The following SLC44A5 variants were observed in gnomAD, a reference collection of about 807,000 sequenced individuals.
SLC44A5 encodes choline transporter-like protein 5.
SLC44A5 carries 57 observed loss-of-function variants against 101.8 expected under a neutral mutation model. The observed-to-expected ratio is 0.56, with a 90% CI of 0.45 to 0.70. The LOEUF (loss-of-function observed/expected upper bound fraction) is 0.70, where lower values mean the gene tolerates loss of function less well. Ranked by LOEUF, SLC44A5 falls within the 30% of genes least tolerant of loss-of-function variation. The pLI, the probability that SLC44A5 is intolerant of heterozygous loss-of-function variation, is 0.00. For missense variants in SLC44A5, 737 were observed against 853.1 expected (o/e 0.86, Z 1.70); for synonymous variants, 281 against 290.9 (o/e 0.97, Z 0.35).
chr1:75,389,695 C>T lies in SLC44A5; in HGVS notation c.52+6888G>A, dbSNP rs1249829. 9.1e-3 allele frequency among the ~76,000 whole-genome samples: 1,382 copies of T among 152,244 alleles called. 25 individuals carry two copies. Among genetic ancestry groups the T allele is most frequent in the African/African-American group, 0.032 (1,327 of 41,546 alleles). ...AGAGGAAAGTTTATAGCACTACATA[C>T]CTATATTGAGAAGTTAGAAAAATCT... On this transcript the variant is annotated intron_variant, in intron 3 of 23. Transcript: ENST00000370859.
At chr1:75,661,508 G>A in the SLC44A5 span, among the ~76,000 whole-genome samples, 3 of 150,528 alleles carry the variant, frequency 2.0e-5, no homozygotes, top group Non-Finnish European at 3.0e-5. Context: ...ATTGACAAAT[G>A]GGATCACATC....
At chr1:75,592,063 C>T (rs1474780687) in intron 1 of SLC44A5, among the ~76,000 whole-genome samples, 1 of 151,932 alleles carries the variant, frequency 6.6e-6, no homozygotes, top group Non-Finnish European at 1.5e-5. Flanking sequence ...TAAAGGGCAT[C>T]CAAATTGGAA....
the SLC44A5 span, among the ~76,000 whole-genome samples, chr1:75,646,990 A>C: frequency 2.6e-5 from 4 of 152,228 alleles, no homozygotes; most frequent in African/African-American, 9.6e-5. Flanking sequence ...TGCATAAGTA[A>C]TGAGGAGCCC....
chr1:75,432,289 T>G (rs921885571), intron 2 of SLC44A5, among the ~76,000 whole-genome samples: 3 of 152,178 alleles, frequency 2.0e-5, no homozygotes, highest in Admixed American at 6.6e-5. Context: ...ACCAAGCTTC[T>G]TTTATCCCAC....
chr1:75,663,147 A>G, the SLC44A5 span, among the ~76,000 whole-genome samples: 2 of 152,156 alleles, frequency 1.3e-5, no homozygotes, highest in Non-Finnish European at 2.9e-5. Context: ...TCTACTGACC[A>G]GTTACTATGG....
At chr1:75,247,759 A>G (rs138596050) in intron 7 of SLC44A5, among the ~76,000 whole-genome samples, 2 of 152,150 alleles carry the variant, frequency 1.3e-5, no homozygotes, top group East Asian at 3.9e-4. Context: ...TACTGTTGTT[A>G]GATCAAGTAA....
chr1:75,480,261 T>C (rs950554084), intron 2 of SLC44A5, among the ~76,000 whole-genome samples: 1 of 152,088 alleles, frequency 6.6e-6, no homozygotes. Flanking sequence ...CTCAAAATAA[T>C]AAGAGCTATC....
At chr1:75,583,709 C>T (rs2102077596) in intron 1 of SLC44A5, among the ~76,000 whole-genome samples, 1 of 152,256 alleles carries the variant, frequency 6.6e-6, no homozygotes, top group South Asian at 2.1e-4. Context: ...AAAGGGAAAC[C>T]CCACTAATTT....
intron 5 of SLC44A5, among the ~76,000 whole-genome samples, chr1:75,292,815 T>C (rs1305292433): frequency 6.6e-6 from 1 of 152,230 alleles, no homozygotes; most frequent in African/African-American, 2.4e-5. Flanking sequence ...GGGGTTCTGG[T>C]CTACCCCTCT....
chr1:75,318,531 T>C (rs1171205376), intron 4 of SLC44A5, among the ~76,000 whole-genome samples: 1 of 152,206 alleles, frequency 6.6e-6, no homozygotes, highest in Non-Finnish European at 1.5e-5. Context: ...CTTTATTTTA[T>C]GCAAAAGCAC....
the SLC44A5 span, among the ~76,000 whole-genome samples, chr1:75,619,340 A>G: frequency 6.6e-6 from 1 of 152,144 alleles, no homozygotes; most frequent in Non-Finnish European, 1.5e-5. Flanking sequence ...TCAGTCCATC[A>G]TTGACTGAAA....
intron 4 of SLC44A5, among the ~76,000 whole-genome samples, chr1:75,338,140 A>G (rs1173566232): frequency 6.6e-6 from 1 of 152,176 alleles, no homozygotes; most frequent in Admixed American, 6.5e-5. Flanking sequence ...AGGCAGAGGA[A>G]GGTCTGCCCA....
chr1:75,597,187 CAAAA>C (rs36100438), intron 1 of SLC44A5, among the ~76,000 whole-genome samples: 3 of 102,992 alleles, frequency 2.9e-5, no homozygotes, highest in African/African-American at 7.0e-5. Context: ...GACTTTGTCT[CAAAA>C]AAAAAAAAAA....
intron 2 of SLC44A5, among the ~76,000 whole-genome samples, chr1:75,448,499 C>T (rs909980855): frequency 6.6e-6 from 1 of 152,182 alleles, no homozygotes; most frequent in African/African-American, 2.4e-5. Context: ...GTAGGTGGCA[C>T]TATCTCTAAA....
chr1:75,376,631 A>G (rs1471558595), intron 3 of SLC44A5, among the ~76,000 whole-genome samples: 3 of 151,546 alleles, frequency 2.0e-5, no homozygotes, highest in African/African-American at 7.2e-5. Flanking sequence ...TGTCTGTTAG[A>G]AGGAAAACTA....
chr1:75,358,030 A>C (rs1659212341), intron 3 of SLC44A5, among the ~76,000 whole-genome samples: 1 of 152,030 alleles, frequency 6.6e-6, no homozygotes. Context: ...ACACACACAT[A>C]CAATACACAC....
intron 4 of SLC44A5, among the ~76,000 whole-genome samples, chr1:75,309,697 C>G (rs1655159935): frequency 6.6e-6 from 1 of 152,144 alleles, no homozygotes; most frequent in Non-Finnish European, 1.5e-5. Context: ...AGTTATTGCC[C>G]TGGGTTGTCC....
chr1:75,351,390 A>G (rs2101071321), intron 3 of SLC44A5, among the ~76,000 whole-genome samples: 1 of 152,150 alleles, frequency 6.6e-6, no homozygotes, highest in East Asian at 1.9e-4. Context: ...AAACTTGGAC[A>G]TTACCTTATA....
chr1:75,597,187 C>CA (rs36100438), intron 1 of SLC44A5, among the ~76,000 whole-genome samples: 44,082 of 102,594 alleles, frequency 0.43, 7,759 homozygotes, highest in Middle Eastern at 0.46. Flanking sequence ...GACTTTGTCT[C>CA]AAAAAAAAAA....
Sources: gnomAD v4.1 joint callset for allele counts (sites outside exome capture counted in the v4.1 genomes callset) on GRCh38, gnomAD v4.1.1 for gene constraint, MANE v1.5 for transcripts, NCBI Gene and HGNC (gene_info 2026-07-23, HGNC 2026-07-21) for gene names.